ADAM12: variants seen among roughly 807,000 people sequenced by gnomAD.
ADAM12 encodes the protein ADAM metallopeptidase domain 12.
ADAM12 carries 70 observed loss-of-function variants against 106.4 expected under a neutral mutation model. The ratio of observed to expected loss-of-function variants is 0.66; its 90% CI spans 0.54 to 0.80. The LOEUF (loss-of-function observed/expected upper bound fraction) is 0.80. Ranked by LOEUF, ADAM12 falls within the 30% of genes least tolerant of loss-of-function variation. ADAM12 has a pLI of 0.00. For missense variants in ADAM12, 1,010 were observed against 1,171.9 expected, an observed-to-expected ratio of 0.86 and a Z score of 2.02; for synonymous variants, 420 against 433.5, an observed-to-expected ratio of 0.97 and a Z score of 0.39.
chr10:126,129,650 C>G (rs533245332), intron 5 of ADAM12, among the ~76,000 whole-genome samples: 20 of 152,172 alleles, frequency 1.3e-4, no homozygotes, highest in Non-Finnish European at 1.9e-4. Flanking sequence ...TCACCGAAAC[C>G]GTATTAACTG....
At chr10:126,056,345 T>G (rs1954630635) in intron 14 of ADAM12, among the ~76,000 whole-genome samples, 1 of 152,184 alleles carries the variant, frequency 6.6e-6, no homozygotes, top group Non-Finnish European at 1.5e-5. Context: ...CAGGCTATGA[T>G]TTCATCAGCC....
chr10:126,233,768 T>C (rs2133630990), intron 3 of ADAM12, among the ~76,000 whole-genome samples: 1 of 152,194 alleles, frequency 6.6e-6, no homozygotes, highest in East Asian at 1.9e-4. Context: ...TTAAGGTGAG[T>C]CCCACCTGAA....
At chr10:126,266,610 A>ACAAAGAAATGC (rs1959102717) in intron 3 of ADAM12, among the ~76,000 whole-genome samples, 1 of 152,210 alleles carries the variant, frequency 6.6e-6, no homozygotes, top group Non-Finnish European at 1.5e-5. Context: ...TCGCACTGTT[A>ACAAAGAAATGC]CAAAGAAATG....
intron 4 of ADAM12, among the ~76,000 whole-genome samples, chr10:126,136,373 C>T (rs1161992521): frequency 6.6e-6 from 1 of 152,162 alleles, no homozygotes; most frequent in Non-Finnish European, 1.5e-5. Context: ...TGCTGCAGCC[C>T]CAATTAAGTG....
At chr10:126,347,089 C>T (rs532111013) in intron 1 of ADAM12, among the ~76,000 whole-genome samples, 164 of 152,224 alleles carry the variant, frequency 1.1e-3, no homozygotes, top group African/African-American at 3.7e-3. Context: ...TTATTTTGCT[C>T]GTTAGTTGAT....
intron 3 of ADAM12, among the ~76,000 whole-genome samples, chr10:126,257,919 C>T (rs139166988): frequency 7.3e-4 from 111 of 152,260 alleles, no homozygotes; most frequent in Non-Finnish European, 1.2e-3. Context: ...TTACAGGCAC[C>T]ATGCCTGGAA....
intron 18 of ADAM12, chr10:126,041,243 T>A: frequency 1.3e-6 from 1 of 771,716 alleles, no homozygotes; most frequent in Non-Finnish European, 1.6e-6. Flanking sequence ...AGTACTTGTT[T>A]AATGAGCCCC....
At chr10:126,204,244 A>T (rs949215409) in intron 3 of ADAM12, among the ~76,000 whole-genome samples, 21 of 152,186 alleles carry the variant, frequency 1.4e-4, no homozygotes, top group African/African-American at 4.6e-4. Context: ...CCCTAACAAG[A>T]AGCGTAATAC....
chr10:126,214,621 C>T (rs1957955140), intron 3 of ADAM12, among the ~76,000 whole-genome samples: 1 of 152,028 alleles, frequency 6.6e-6, no homozygotes, highest in Admixed American at 6.6e-5. Flanking sequence ...TTGACAGTAC[C>T]CTTTTGCAGT....
intron 20 of ADAM12, 32 bp from the exon 21 acceptor site, chr10:126,036,357 G>T (rs1351444017): frequency 2.5e-5 from 39 of 1,553,488 alleles, no homozygotes; most frequent in Non-Finnish European, 3.2e-5. Flanking sequence ...CCATGCTATA[G>T]CGGGTTTCAA....
At position 126,043,629 on chromosome 10, in the gene ADAM12, CA is replaced by C; in HGVS notation, c.1996-482del. Among the ~76,000 whole-genome samples, 1 of 152,314 alleles carries C rather than the reference CA, an allele frequency of 6.6e-6. No homozygotes were observed. Among genetic ancestry groups the C allele is most frequent in the South Asian group, 2.1e-4 (1 of 4,830 alleles). On this transcript the variant is annotated intron_variant, in intron 17 of 22. Transcript: ENST00000448723. The surrounding 1 kb of genome is among the most constrained non-coding windows in gnomAD (Gnocchi z 4.1). The stretch of plus-strand genomic sequence containing the variant: ...AGAGAGGCTGGTGACTGCCGGGTCC[CA>C]CGCCAGGCTGGGGTCCGAGGCAGGC...
intron 3 of ADAM12, among the ~76,000 whole-genome samples, chr10:126,168,601 A>G (rs1025689821): frequency 4.6e-5 from 7 of 152,114 alleles, no homozygotes; most frequent in East Asian, 1.9e-4. Flanking sequence ...CTAACCTTCC[A>G]TAATAGATTA....
chr10:126,210,741 G>A (rs977231527), intron 3 of ADAM12, among the ~76,000 whole-genome samples: 8 of 152,286 alleles, frequency 5.3e-5, no homozygotes, highest in African/African-American at 7.2e-5. Context: ...CTGCACTGGA[G>A]GAGACAGAGC....
At chr10:126,238,305 C>G (rs1347628706) in intron 3 of ADAM12, among the ~76,000 whole-genome samples, 1 of 152,132 alleles carries the variant, frequency 6.6e-6, no homozygotes, top group Non-Finnish European at 1.5e-5. Context: ...CATGGGGAAA[C>G]CCCATCTCTA....
In ADAM12 at chr10:126,101,130, C is replaced by T; in HGVS notation, c.853G>A (p.Asp285Asn). Residue 285 changes from aspartate to asparagine, a missense_variant, in exon 9 of 23, where the codon GAC (aspartate) becomes AAC (asparagine). Asp to Asn is a conservative substitution (Grantham distance 23). Transcript: ENST00000448723. The stretch of plus-strand genomic sequence containing the variant: ...GGTAGAAGCTTCATCTTCCTCCAGT[C>T]CAGAAATTCATGGAGGCTGGTGAAT... ...DPFTSLHEFLDWRKMKLLPRK... is the reference protein window; with the variant it reads ...DPFTSLHEFLNWRKMKLLPRK... 6.2e-7 allele frequency: 1 copy of T among 1,614,018 alleles called. No homozygotes were observed. The highest frequency in any genetic ancestry group is 8.5e-7 in the Non-Finnish European group (1 of 1,179,928).
At chr10:126,188,932 A>G (rs1175120385) in intron 3 of ADAM12, among the ~76,000 whole-genome samples, 2 of 151,972 alleles carry the variant, frequency 1.3e-5, no homozygotes, top group East Asian at 3.9e-4. Context: ...TCATCTATTT[A>G]TTATCCACCC....
rs112880739 is a variant in ADAM12 at position 126,345,893 on chromosome 10, G to A, written c.89-15384C>T. ...TATCCCCTTTATCACTTTTTATTGCGTCTATTTGATTCTTTTCTCTTTTCT... is the reference window on the plus strand; with the variant it reads ...TATCCCCTTTATCACTTTTTATTGCATCTATTTGATTCTTTTCTCTTTTCT... On this transcript the variant is annotated intron_variant, in intron 1 of 22. Coordinates refer to ENST00000448723, the MANE Select transcript of ADAM12 (RefSeq NM_001288973.2). 8.3e-3 allele frequency among the ~76,000 whole-genome samples: 1,262 copies of A among 152,104 alleles called. 22 individuals carry two copies. Among genetic ancestry groups the A allele is most frequent in the African/African-American group, 0.029 (1,196 of 41,502 alleles).
intron 6 of ADAM12, among the ~76,000 whole-genome samples, chr10:126,110,281 TC>T (rs1212752592): frequency 1.3e-5 from 2 of 152,178 alleles, no homozygotes; most frequent in African/African-American, 4.8e-5. Context: ...CTGTGGCTGT[TC>T]CCTTTGTCTT....
At chr10:126,330,303 T>C in intron 2 of ADAM12, 109 bp downstream of exon 2, 1 of 912,882 alleles carries the variant, frequency 1.1e-6, no homozygotes, top group Non-Finnish European at 1.7e-6. Flanking sequence ...AAGGATAGAG[T>C]TAGCATTAAA....
Sources: allele counts gnomAD v4.1 joint callset (sites outside exome capture counted in the v4.1 genomes callset), GRCh38; gene constraint gnomAD v4.1.1; non-coding constraint Gnocchi (gnomAD v3.1); transcripts MANE v1.5; gene names NCBI Gene and HGNC (gene_info 2026-07-23, HGNC 2026-07-21).